Variants in KCNIP4 observed in about 807,000 individuals in gnomAD.
The protein encoded by KCNIP4 is Kv channel-interacting protein 4.
In KCNIP4, 12 loss-of-function variants were observed where a neutral mutation model predicts 34.0. The observed-to-expected ratio is 0.35, with a 90% CI of 0.23 to 0.57. KCNIP4 has a LOEUF of 0.57. Among genes scored for constraint, KCNIP4 ranks in the 20% least tolerant of loss-of-function variants. KCNIP4 has a pLI of 0.83. For missense variants in KCNIP4, 238 were observed against 311.7 expected (o/e 0.76, Z 1.78); for synonymous variants, 124 against 102.2 (o/e 1.21, Z -1.29).
intron 2 of KCNIP4, among the ~76,000 whole-genome samples, chr4:20,881,586 A>G (rs1453604283): frequency 6.6e-6 from 1 of 152,186 alleles, no homozygotes; most frequent in African/African-American, 2.4e-5. Flanking sequence ...GTTATATAGC[A>G]TCTTTATAAA....
At chr4:21,289,341 T>G (rs985595940) in intron 1 of KCNIP4, among the ~76,000 whole-genome samples, 4 of 152,142 alleles carry the variant, frequency 2.6e-5, no homozygotes, top group Non-Finnish European at 4.4e-5. Flanking sequence ...TAGAATAAAT[T>G]ATTGTCGAGT....
intron 1 of KCNIP4, among the ~76,000 whole-genome samples, chr4:21,519,565 T>TGTGTACAC: frequency 8.1e-5 from 1 of 12,272 alleles, no homozygotes; most frequent in South Asian, 2.2e-3. Flanking sequence ...TGTATGTGTA[T>TGTGTACAC]ATATACACAT....
chr4:21,686,795 G>A (rs1320820468), intron 1 of KCNIP4, among the ~76,000 whole-genome samples: 1 of 152,022 alleles, frequency 6.6e-6, no homozygotes, highest in Non-Finnish European at 1.5e-5. Context: ...AGGTCAAATG[G>A]TATTTCTAGT....
chr4:21,415,584 C>T (rs1724887532), intron 1 of KCNIP4, among the ~76,000 whole-genome samples: 1 of 151,502 alleles, frequency 6.6e-6, no homozygotes, highest in South Asian at 2.1e-4. Context: ...CGCTTGTAAT[C>T]CCAACTATTC....
chr4:21,880,505 A>G (rs1726400294), intron 1 of KCNIP4, among the ~76,000 whole-genome samples: 1 of 152,184 alleles, frequency 6.6e-6, no homozygotes, highest in Admixed American at 6.5e-5. Flanking sequence ...TTATATTTTC[A>G]TCATTAAAAA....
intron 1 of KCNIP4, among the ~76,000 whole-genome samples, chr4:21,774,187 A>G (rs11945440): frequency 0.16 from 23,867 of 151,944 alleles, 5,708 homozygotes; most frequent in African/African-American, 0.52. Context: ...TTTATCCTTC[A>G]CTTATAAAAC....
intron 1 of KCNIP4, among the ~76,000 whole-genome samples, chr4:21,033,196 C>A (rs898575660): frequency 6.6e-6 from 1 of 152,124 alleles, no homozygotes. Context: ...AGGCTTTGAC[C>A]CATTCCACAT....
In KCNIP4 at chr4:21,444,791, G is replaced by C. The variant is rs1328845562; in HGVS notation, c.61+503780C>G. ...TTCTGGCCAGGGCAATCAGGTAGGAGAAGGAAATAAAGGACATTCAATTAG... is the reference window on the plus strand; with the variant it reads ...TTCTGGCCAGGGCAATCAGGTAGGACAAGGAAATAAAGGACATTCAATTAG... On this transcript the variant is annotated intron_variant, in intron 1 of 8. Coordinates refer to ENST00000382152, the MANE Select transcript of KCNIP4 (RefSeq NM_025221.6). Among the ~76,000 whole-genome samples, 32 of 152,256 alleles carry C rather than the reference G, an allele frequency of 2.1e-4. 1 individual carries two copies. The South Asian group carries it at 6.0e-3, about 29-fold the overall frequency.
At chr4:20,759,536 G>C (rs1475394730) in intron 3 of KCNIP4, among the ~76,000 whole-genome samples, 3 of 152,174 alleles carry the variant, frequency 2.0e-5, no homozygotes, top group Non-Finnish European at 4.4e-5. Context: ...ACTTGTCAAA[G>C]AATGATGGAC....
At chr4:20,975,041 G>A (rs1010823350) in intron 1 of KCNIP4, among the ~76,000 whole-genome samples, 6 of 152,054 alleles carry the variant, frequency 3.9e-5, no homozygotes, top group African/African-American at 9.7e-5. Flanking sequence ...AGGTAGCTAC[G>A]ACTAGTACTC....
chr4:20,916,353 C>T, intron 1 of KCNIP4: 5 of 985,150 alleles, frequency 5.1e-6, no homozygotes, highest in Non-Finnish European at 6.0e-6. Flanking sequence ...GCACTTGCCT[C>T]ATCCTGTAAA....
intron 1 of KCNIP4, chr4:21,718,890 T>G (rs1714586152): frequency 6.6e-6 from 1 of 152,226 alleles, no homozygotes; most frequent in Non-Finnish European, 1.5e-5. Context: ...TGTTTTGCCA[T>G]GTTTAGTGCA....
intron 4 of KCNIP4, chr4:20,752,525 G>A (rs1273033501): frequency 6.6e-6 from 1 of 152,118 alleles, no homozygotes; most frequent in Non-Finnish European, 1.5e-5. Context: ...TTTTACAAAC[G>A]TAACATCTTT....
chr4:21,421,257 A>C (rs1725428087), intron 1 of KCNIP4, among the ~76,000 whole-genome samples: 1 of 152,182 alleles, frequency 6.6e-6, no homozygotes, highest in Non-Finnish European at 1.5e-5. Flanking sequence ...ATGATCCAGC[A>C]ATCTCATTTC....
chr4:21,824,189 C>T (rs73256572), intron 1 of KCNIP4, among the ~76,000 whole-genome samples: 57,015 of 152,032 alleles, frequency 0.38, 12,474 homozygotes, highest in Non-Finnish European at 0.51. Context: ...TGGATATAGG[C>T]CAAAATAATG....
intron 1 of KCNIP4, among the ~76,000 whole-genome samples, chr4:20,902,609 T>C (rs947734120): frequency 6.6e-6 from 1 of 152,126 alleles, no homozygotes; most frequent in Non-Finnish European, 1.5e-5. Context: ...AACCACCACC[T>C]CCCGGGTTCA....
At chr4:21,588,171 C>T (rs1741796890) in intron 1 of KCNIP4, among the ~76,000 whole-genome samples, 1 of 151,856 alleles carries the variant, frequency 6.6e-6, no homozygotes, top group African/African-American at 2.4e-5. Context: ...AAATAACTAC[C>T]AACATTATTT....
At chr4:21,577,372 G>A (rs1395489277) in intron 1 of KCNIP4, among the ~76,000 whole-genome samples, 13 of 152,104 alleles carry the variant, frequency 8.5e-5, no homozygotes, top group Non-Finnish European at 1.3e-4. Flanking sequence ...GCTCACCCCT[G>A]TAATCCCAGC....
intron 1 of KCNIP4, among the ~76,000 whole-genome samples, chr4:21,552,984 A>G (rs375718373): frequency 7.2e-5 from 11 of 152,250 alleles, no homozygotes; most frequent in African/African-American, 2.6e-4. Flanking sequence ...AGAAAGCAGC[A>G]AAAACACTCA....
Sources: gnomAD v4.1 joint callset for allele counts (sites outside exome capture counted in the v4.1 genomes callset) on GRCh38, gnomAD v4.1.1 for gene constraint, MANE v1.5 for transcripts, NCBI Gene and HGNC (gene_info 2026-07-23, HGNC 2026-07-21) for gene names.